ARHGAP15: variants seen among roughly 807,000 people sequenced by gnomAD.
The protein encoded by ARHGAP15 is rho GTPase-activating protein 15.
In ARHGAP15, 51 loss-of-function variants were observed where a neutral mutation model predicts 63.7. The ratio of observed to expected loss-of-function variants is 0.80; its 90% CI spans 0.64 to 1.01. The LOEUF (loss-of-function observed/expected upper bound fraction) is 1.01. Ranked by LOEUF, ARHGAP15 falls within the 50% of genes least tolerant of loss-of-function variation. ARHGAP15 has a pLI of 0.00. For missense variants in ARHGAP15, 560 were observed against 564.6 expected (o/e 0.99, Z 0.08); for synonymous variants, 191 against 193.8 (o/e 0.99, Z 0.12).
chr2:143,270,697 T>C (rs934785435), intron 6 of ARHGAP15, among the ~76,000 whole-genome samples: 2 of 152,196 alleles, frequency 1.3e-5, no homozygotes, highest in African/African-American at 4.8e-5. Context: ...TTTAAACATA[T>C]AATTTATTAT....
rs115563728 is a variant in ARHGAP15 at position 143,154,526 on chromosome 2, G to A, written c.-14-951G>A. ...TACACAGTGCTCGGAGCCCGCTATA[G>A]GATGTCTATTAGGTTAGACTTGGAG... On this transcript the variant is annotated intron_variant, in intron 1 of 13. Transcript: ENST00000295095. 9.4e-3 allele frequency among the ~76,000 whole-genome samples: 1,424 copies of A among 151,992 alleles called. 24 individuals are homozygous for A. Among genetic ancestry groups the A allele is most frequent in the African/African-American group, 0.032 (1,348 of 41,500 alleles).
intron 2 of ARHGAP15, among the ~76,000 whole-genome samples, chr2:143,163,448 T>C (rs888049304): frequency 2.0e-5 from 3 of 151,532 alleles, no homozygotes; most frequent in Non-Finnish European, 2.9e-5. Flanking sequence ...TAGAAATATA[T>C]GGAGAGATGT....
intron 11 of ARHGAP15, among the ~76,000 whole-genome samples, chr2:143,603,683 GTCT>G (rs1397410780): frequency 6.6e-6 from 1 of 152,180 alleles, no homozygotes; most frequent in Non-Finnish European, 1.5e-5. Context: ...AGTTGAAGTA[GTCT>G]TCTTACAGAT....
At chr2:143,699,487 ATTC>A (rs1391904012) in intron 12 of ARHGAP15, among the ~76,000 whole-genome samples, 4 of 152,202 alleles carry the variant, frequency 2.6e-5, no homozygotes, top group African/African-American at 9.6e-5. Flanking sequence ...TCTATAAAAT[ATTC>A]TTCATGTAGA....
At chr2:143,487,729 A>T (rs909356702) in intron 9 of ARHGAP15, among the ~76,000 whole-genome samples, 1 of 152,138 alleles carries the variant, frequency 6.6e-6, no homozygotes, top group African/African-American at 2.4e-5. Context: ...CCCACAGAGG[A>T]TCTGTGTTCT....
chr2:143,505,151 G>A (rs1238661130), intron 9 of ARHGAP15, among the ~76,000 whole-genome samples: 1 of 152,162 alleles, frequency 6.6e-6, no homozygotes, highest in Non-Finnish European at 1.5e-5. Context: ...CAATTCTCCT[G>A]ACTGTGTTTT....
At chr2:143,603,971 G>A (rs1697882223) in intron 11 of ARHGAP15, among the ~76,000 whole-genome samples, 1 of 152,120 alleles carries the variant, frequency 6.6e-6, no homozygotes, top group Admixed American at 6.5e-5. Context: ...AAATATTAAG[G>A]GAGGGAAATG....
intron 6 of ARHGAP15, among the ~76,000 whole-genome samples, chr2:143,339,654 C>T (rs1260823019): frequency 6.6e-6 from 1 of 152,130 alleles, no homozygotes; most frequent in Non-Finnish European, 1.5e-5. Flanking sequence ...GAAACCCAGA[C>T]CTCTGTCCAT....
At chr2:143,630,916 A>C (rs971697664) in intron 12 of ARHGAP15, among the ~76,000 whole-genome samples, 1 of 152,096 alleles carries the variant, frequency 6.6e-6, no homozygotes, top group Non-Finnish European at 1.5e-5. Flanking sequence ...ACAACCAGGA[A>C]AAAGAACATC....
At chr2:143,558,565 C>A (rs1169153664) in intron 11 of ARHGAP15, among the ~76,000 whole-genome samples, 1 of 152,084 alleles carries the variant, frequency 6.6e-6, no homozygotes, top group African/African-American at 2.4e-5. Context: ...GTCTTGGAAT[C>A]AAAAAATAGG....
At chr2:143,506,824 AC>A (rs1574547939) in intron 9 of ARHGAP15, among the ~76,000 whole-genome samples, 1 of 152,192 alleles carries the variant, frequency 6.6e-6, no homozygotes, top group Non-Finnish European at 1.5e-5. Context: ...AAAATATTAG[AC>A]TAATTAGTCT....
At chr2:143,373,649 A>AAAAAAC (rs2104921335) in intron 6 of ARHGAP15, among the ~76,000 whole-genome samples, 1 of 127,800 alleles carries the variant, frequency 7.8e-6, no homozygotes, top group Non-Finnish European at 1.7e-5. Context: ...AAAAAAAAAA[A>AAAAAAC]AAAAAAAAAA....
chr2:143,562,617 T>G (rs1335459867), intron 11 of ARHGAP15, among the ~76,000 whole-genome samples: 1 of 152,214 alleles, frequency 6.6e-6, no homozygotes, highest in East Asian at 1.9e-4. Context: ...TAACAATGAT[T>G]TATTTTTCCC....
At chr2:143,759,062 G>A (rs1686674559) in intron 13 of ARHGAP15, among the ~76,000 whole-genome samples, 1 of 152,178 alleles carries the variant, frequency 6.6e-6, no homozygotes, top group Non-Finnish European at 1.5e-5. Flanking sequence ...AGCTGCCTGT[G>A]CATTACAAAA....
chr2:143,735,973 G>C (rs753777976), intron 13 of ARHGAP15, among the ~76,000 whole-genome samples: 1 of 152,150 alleles, frequency 6.6e-6, no homozygotes, highest in Non-Finnish European at 1.5e-5. Context: ...GAATATCAAA[G>C]TACTATCCAT....
intron 6 of ARHGAP15, among the ~76,000 whole-genome samples, chr2:143,415,827 A>T (rs1280656498): frequency 6.6e-6 from 1 of 152,196 alleles, no homozygotes; most frequent in Non-Finnish European, 1.5e-5. Context: ...ATTTGCAGCA[A>T]CCTGGATGAG....
intron 13 of ARHGAP15, among the ~76,000 whole-genome samples, chr2:143,755,281 G>GA (rs936262880): frequency 1.3e-5 from 2 of 150,418 alleles, no homozygotes; most frequent in Admixed American, 1.3e-4. Context: ...ATATGGGGGG[G>GA]GGGGATCTAT....
At chr2:143,244,851 T>G (rs1388967475) in intron 5 of ARHGAP15, among the ~76,000 whole-genome samples, 2 of 152,174 alleles carry the variant, frequency 1.3e-5, no homozygotes, top group Non-Finnish European at 2.9e-5. Flanking sequence ...CTACTGAGGT[T>G]AAGGTCATGA....
chr2:143,161,547 G>A (rs926922291), intron 2 of ARHGAP15, among the ~76,000 whole-genome samples: 8 of 151,790 alleles, frequency 5.3e-5, no homozygotes, highest in African/African-American at 7.3e-5. Flanking sequence ...TGAGTACTGC[G>A]TGCCTCACAA....
Sources: gnomAD v4.1 joint callset for allele counts (sites outside exome capture counted in the v4.1 genomes callset) on GRCh38, gnomAD v4.1.1 for gene constraint, MANE v1.5 for transcripts, NCBI Gene and HGNC (gene_info 2026-07-23, HGNC 2026-07-21) for gene names.